The following ADGRB3 variants were observed in gnomAD, a reference collection of about 807,000 sequenced individuals.
The protein encoded by ADGRB3 is adhesion G protein-coupled receptor B3, also known as brain-specific angiogenesis inhibitor 3.
A neutral mutation model predicts 193.4 loss-of-function variants in ADGRB3; 37 were observed. The ratio of observed to expected loss-of-function variants is 0.19; its 90% CI spans 0.15 to 0.25. The LOEUF (loss-of-function observed/expected upper bound fraction) is 0.25, where lower values mean the gene tolerates loss of function less well. ADGRB3 is among the 10% of genes least tolerant of loss of function. ADGRB3 has a pLI of 1.00. For missense variants in ADGRB3, 1,637 were observed against 1,852.9 expected, an observed-to-expected ratio of 0.88 and a Z score of 2.14; for synonymous variants, 690 against 644.2, an observed-to-expected ratio of 1.07 and a Z score of -1.08.
At position 68,956,049 on chromosome 6, in the gene ADGRB3, T is replaced by C. The variant is rs763120325; in HGVS notation, c.1221T>C (p.Ser407=). 1 of 1,613,566 alleles carries C rather than the reference T, an allele frequency of 6.2e-7. No individual in the cohort carries two copies. The highest frequency in any genetic ancestry group is 1.1e-5 in the South Asian group (1 of 91,038). The part of the protein sequence containing the change: ...CPVDGQWQEW[S]SWSQCSVTCS... ...TTGATGGACAGTGGCAAGAGTGGAG[T>C]TCGTGGAGCCAGTGCTCAGTAACGT... The change falls in exon 7 of 32, where the codon AGT becomes AGC. Residue 407 remains serine (S), a synonymous_variant. Coordinates refer to ENST00000370598, the MANE Select transcript of ADGRB3 (RefSeq NM_001704.3).
At chr6:68,913,484 T>A (rs1766783186) in intron 3 of ADGRB3, among the ~76,000 whole-genome samples, 1 of 152,224 alleles carries the variant, frequency 6.6e-6, no homozygotes, top group Non-Finnish European at 1.5e-5. Context: ...CTGAGGGTCC[T>A]GTCTGTTAGA....
intron 3 of ADGRB3, among the ~76,000 whole-genome samples, chr6:68,917,642 G>C (rs1202741188): frequency 2.0e-5 from 3 of 152,042 alleles, no homozygotes; most frequent in African/African-American, 7.2e-5. Context: ...ATTCTCTAAA[G>C]TGCCTTATCC....
chr6:69,240,008 T>C (rs1419454735), intron 20 of ADGRB3, among the ~76,000 whole-genome samples: 1 of 152,098 alleles, frequency 6.6e-6, no homozygotes, highest in Admixed American at 6.6e-5. Flanking sequence ...TTTCATTTTT[T>C]TAATTTTCAA....
At chr6:69,327,938 CAA>C in intron 22 of ADGRB3, 49 bp downstream of exon 22, 2 of 1,519,510 alleles carry the variant, frequency 1.3e-6, no homozygotes, top group Non-Finnish European at 1.8e-6. Context: ...AACAAATCAT[CAA>C]AGAGTCTTGG....
chr6:69,330,413 G>A, intron 22 of ADGRB3, 93 bp from the exon 23 acceptor site: 2 of 911,850 alleles, frequency 2.2e-6, no homozygotes, highest in Non-Finnish European at 3.1e-6. Context: ...AAATTCCAAG[G>A]CAAAATGTAT....
At chr6:69,090,600 G>A (rs895253763) in intron 17 of ADGRB3, among the ~76,000 whole-genome samples, 1 of 152,146 alleles carries the variant, frequency 6.6e-6, no homozygotes, top group Non-Finnish European at 1.5e-5. Context: ...TGGTACTGGG[G>A]ACACAAATAG....
chr6:69,371,008 G>A (rs372881674), intron 29 of ADGRB3, among the ~76,000 whole-genome samples: 2 of 152,008 alleles, frequency 1.3e-5, no homozygotes, highest in East Asian at 1.9e-4. Flanking sequence ...TCACCACGGC[G>A]AGGCTGAGGT....
intron 3 of ADGRB3, among the ~76,000 whole-genome samples, chr6:68,875,482 T>G (rs986403696): frequency 1.3e-5 from 2 of 151,620 alleles, no homozygotes; most frequent in African/African-American, 2.4e-5. Context: ...TAGCAACAAA[T>G]GCACATGCCT....
intron 3 of ADGRB3, among the ~76,000 whole-genome samples, chr6:68,783,128 C>A (rs1003989284): frequency 3.3e-5 from 5 of 150,992 alleles, no homozygotes; most frequent in African/African-American, 1.2e-4. Context: ...ATTATTTAAC[C>A]CTCTGAGTCC....
chr6:69,280,300 C>G (rs1767408163), intron 20 of ADGRB3, among the ~76,000 whole-genome samples: 1 of 152,152 alleles, frequency 6.6e-6, no homozygotes, highest in African/African-American at 2.4e-5. Flanking sequence ...GTAGAACTGA[C>G]CTGCGTCCCA....
At chr6:68,843,511 G>T (rs565132286) in intron 3 of ADGRB3, among the ~76,000 whole-genome samples, 5 of 152,086 alleles carry the variant, frequency 3.3e-5, no homozygotes, top group African/African-American at 9.6e-5. Context: ...ATTGATGAAA[G>T]AAATTGAAGA....
At chr6:68,964,042 G>T (rs906039933) in intron 8 of ADGRB3, among the ~76,000 whole-genome samples, 31 of 152,038 alleles carry the variant, frequency 2.0e-4, no homozygotes, top group African/African-American at 7.2e-4. Flanking sequence ...TAAAAAGTTT[G>T]CAATGACTCT....
chr6:69,080,300 T>C (rs994503385), intron 17 of ADGRB3, among the ~76,000 whole-genome samples: 3 of 152,082 alleles, frequency 2.0e-5, no homozygotes, highest in Admixed American at 6.6e-5. Flanking sequence ...AAGAAAAATA[T>C]GTTCCTCTTA....
intron 29 of ADGRB3, among the ~76,000 whole-genome samples, chr6:69,367,687 C>T (rs1769603765): frequency 6.6e-6 from 1 of 151,898 alleles, no homozygotes; most frequent in Admixed American, 6.6e-5. Flanking sequence ...GTTCATGACA[C>T]ATGCACACGT....
At chr6:69,054,334 A>G (rs530021564) in intron 15 of ADGRB3, among the ~76,000 whole-genome samples, 1 of 152,336 alleles carries the variant, frequency 6.6e-6, no homozygotes, top group South Asian at 2.1e-4. Flanking sequence ...TCCTAATGCT[A>G]TAGAAATTAA....
intron 17 of ADGRB3, among the ~76,000 whole-genome samples, chr6:69,227,308 T>C (rs1766040598): frequency 6.6e-6 from 1 of 152,182 alleles, no homozygotes; most frequent in Non-Finnish European, 1.5e-5. Context: ...CCAGATAGTA[T>C]AATTCCTTGT....
chr6:69,336,875 A>C (rs1768861756), intron 24 of ADGRB3, among the ~76,000 whole-genome samples: 2 of 152,118 alleles, frequency 1.3e-5, no homozygotes, highest in Non-Finnish European at 2.9e-5. Flanking sequence ...AAAACATTAC[A>C]TGTCTCTAGG....
chr6:68,897,855 A>G (rs1442993521), intron 3 of ADGRB3, among the ~76,000 whole-genome samples: 1 of 147,106 alleles, frequency 6.8e-6, no homozygotes, highest in Non-Finnish European at 1.5e-5. Context: ...AAAGAAGAAA[A>G]CAAAAGAAAA....
chr6:69,311,058 A>G (rs1048296472), intron 20 of ADGRB3, among the ~76,000 whole-genome samples: 4 of 151,766 alleles, frequency 2.6e-5, no homozygotes, highest in East Asian at 1.9e-4. Context: ...TATTAAAACA[A>G]TAACAGGTAG....
Sources: gnomAD v4.1 joint callset for allele counts (sites outside exome capture counted in the v4.1 genomes callset) on GRCh38, gnomAD v4.1.1 for gene constraint, MANE v1.5 for transcripts, NCBI Gene and HGNC (gene_info 2026-07-23, HGNC 2026-07-21) for gene names.